Variants in SGCZ observed in about 807,000 individuals in gnomAD.
SGCZ encodes the protein sarcoglycan zeta.
Under a neutral mutation model 41.3 loss-of-function variants are expected in SGCZ, and 40 were observed. That is an observed-to-expected ratio of 0.97 (90% CI 0.75 to 1.26). SGCZ has a LOEUF of 1.26. Among genes scored for constraint, SGCZ ranks in the 50% most tolerant of loss-of-function variants. SGCZ has a pLI of 0.00. For missense variants in SGCZ, 552 were observed against 369.8 expected, an observed-to-expected ratio of 1.49 and a Z score of -4.04; for synonymous variants, 206 against 137.5, an observed-to-expected ratio of 1.50 and a Z score of -3.49.
intron 1 of SGCZ, among the ~76,000 whole-genome samples, chr8:14,786,493 A>G (rs751954481): frequency 1.3e-5 from 2 of 152,184 alleles, no homozygotes; most frequent in Non-Finnish European, 2.9e-5. Context: ...GATACAACGT[A>G]CATGAGAATG....
At chr8:14,500,969 A>G (rs1233728101) in intron 2 of SGCZ, among the ~76,000 whole-genome samples, 2 of 151,410 alleles carry the variant, frequency 1.3e-5, no homozygotes, top group Non-Finnish European at 2.9e-5. Flanking sequence ...AAAAAAAATT[A>G]CAACAAACTT....
At chr8:14,666,132 G>A (rs1002285260) in intron 1 of SGCZ, among the ~76,000 whole-genome samples, 2 of 152,088 alleles carry the variant, frequency 1.3e-5, no homozygotes, top group South Asian at 2.1e-4. Context: ...TGTTTCTGAT[G>A]TTTTTGCCAA....
At chr8:15,108,512 T>TTGAACAAC (rs1806920870) in intron 1 of SGCZ, among the ~76,000 whole-genome samples, 1 of 152,196 alleles carries the variant, frequency 6.6e-6, no homozygotes, top group Non-Finnish European at 1.5e-5. Context: ...TAAACAACCA[T>TTGAACAAC]TGAACAACTG....
At chr8:14,648,763 T>C (rs182631101) in intron 1 of SGCZ, among the ~76,000 whole-genome samples, 106 of 152,188 alleles carry the variant, frequency 7.0e-4, no homozygotes, top group African/African-American at 2.2e-3. Flanking sequence ...TCAGACTACA[T>C]AAAAACCAAT....
At chr8:14,513,872 A>AT (rs373174787) in intron 2 of SGCZ, among the ~76,000 whole-genome samples, 4 of 151,798 alleles carry the variant, frequency 2.6e-5, no homozygotes, top group South Asian at 2.1e-4. Context: ...CTCTCTGTGC[A>AT]TTTTTTTTGG....
chr8:14,156,180 T>C (rs1022048342), intron 5 of SGCZ, among the ~76,000 whole-genome samples: 2 of 152,092 alleles, frequency 1.3e-5, no homozygotes, highest in Non-Finnish European at 2.9e-5. Context: ...TTTAAAAATA[T>C]TTTTCTTGGC....
chr8:14,922,192 T>C (rs900141873), intron 1 of SGCZ, among the ~76,000 whole-genome samples: 7 of 151,638 alleles, frequency 4.6e-5, no homozygotes, highest in Non-Finnish European at 1.0e-4. Context: ...GCTGGAGAAA[T>C]ACCACAAGCA....
At chr8:14,147,821 C>T (rs1210796446) in intron 5 of SGCZ, among the ~76,000 whole-genome samples, 1 of 152,032 alleles carries the variant, frequency 6.6e-6, no homozygotes, top group Admixed American at 6.6e-5. Context: ...CAAAACAAGT[C>T]TGAAAACATT....
chr8:14,750,608 A>T (rs1302163196), intron 1 of SGCZ, among the ~76,000 whole-genome samples: 1 of 152,146 alleles, frequency 6.6e-6, no homozygotes, highest in Non-Finnish European at 1.5e-5. Flanking sequence ...GTGTTTTTTT[A>T]AAGCCTTTAA....
chr8:14,925,052 T>A (rs1276242875), intron 1 of SGCZ, among the ~76,000 whole-genome samples: 2 of 152,020 alleles, frequency 1.3e-5, no homozygotes, highest in East Asian at 3.9e-4. Context: ...GAGCCAGGGT[T>A]TCACCGTGTT....
At chr8:14,321,227 A>C (rs889974287) in intron 3 of SGCZ, among the ~76,000 whole-genome samples, 2 of 152,072 alleles carry the variant, frequency 1.3e-5, no homozygotes, top group Admixed American at 6.6e-5. Flanking sequence ...ATTTTGAAAA[A>C]TACATTGAAT....
intron 2 of SGCZ, among the ~76,000 whole-genome samples, chr8:14,543,137 AC>A (rs1803521303): frequency 6.6e-6 from 1 of 151,974 alleles, no homozygotes; most frequent in Non-Finnish European, 1.5e-5. Flanking sequence ...ATTATATATT[AC>A]ATGTATTTTC....
intron 5 of SGCZ, among the ~76,000 whole-genome samples, chr8:14,142,769 G>C (rs2116928885): frequency 6.6e-6 from 1 of 152,204 alleles, no homozygotes; most frequent in Non-Finnish European, 1.5e-5. Flanking sequence ...CCATCCCCCA[G>C]GTGCTGTCAT....
intron 1 of SGCZ, among the ~76,000 whole-genome samples, chr8:14,564,871 T>G (rs1804311769): frequency 6.6e-6 from 1 of 152,156 alleles, no homozygotes; most frequent in African/African-American, 2.4e-5. Context: ...CTTCTCCCTA[T>G]CTATGATACT....
intron 1 of SGCZ, among the ~76,000 whole-genome samples, chr8:14,799,070 T>C (rs1638481898): frequency 6.6e-6 from 1 of 151,930 alleles, no homozygotes; most frequent in Non-Finnish European, 1.5e-5. Context: ...TAAAAAATTA[T>C]TTTTATGTAA....
chr8:14,588,862 A>G (rs561321107), intron 1 of SGCZ, among the ~76,000 whole-genome samples: 5 of 152,274 alleles, frequency 3.3e-5, no homozygotes, highest in African/African-American at 1.2e-4. Flanking sequence ...ACTCATCCTC[A>G]GTCTTAGTCT....
intron 1 of SGCZ, among the ~76,000 whole-genome samples, chr8:14,646,564 G>C (rs1210410199): frequency 6.6e-6 from 1 of 151,716 alleles, no homozygotes; most frequent in African/African-American, 2.4e-5. Context: ...TTTTCTTTTG[G>C]ATATACATCC....
intron 1 of SGCZ, among the ~76,000 whole-genome samples, chr8:14,938,981 T>C (rs559084728): frequency 4.6e-5 from 7 of 152,260 alleles, no homozygotes; most frequent in African/African-American, 1.7e-4. Context: ...CCTCAGTGTC[T>C]TTCAGTCTGC....
At chr8:14,973,474 A>G (rs902887322) in intron 1 of SGCZ, among the ~76,000 whole-genome samples, 3 of 152,120 alleles carry the variant, frequency 2.0e-5, no homozygotes, top group Admixed American at 1.3e-4. Context: ...GCCTATGCCA[A>G]TTGTCTTGAA....
Sources: gnomAD v4.1 joint callset for allele counts (sites outside exome capture counted in the v4.1 genomes callset) on GRCh38, gnomAD v4.1.1 for gene constraint, MANE v1.5 for transcripts, NCBI Gene and HGNC (gene_info 2026-07-23, HGNC 2026-07-21) for gene names.